RASSF6: variants seen among roughly 807,000 people sequenced by gnomAD.
RASSF6 encodes the protein ras association domain-containing protein 6.
In RASSF6, 52 loss-of-function variants were observed where a neutral mutation model predicts 44.0. That is an observed-to-expected ratio of 1.18 (90% confidence interval 0.95 to 1.49). RASSF6 has a LOEUF of 1.49. Ranked by LOEUF, RASSF6 falls within the 40% of genes most tolerant of loss-of-function variation. The probability of loss-of-function intolerance (pLI) is 0.00; values close to 1 mark genes in which losing one functional copy is unlikely to be tolerated. For synonymous variants in RASSF6, 162 were observed against 124.6 expected (o/e 1.30, Z -2.00); for missense variants, 464 against 393.3 (o/e 1.18, Z -1.52).
chr4:73,600,453 T>C (rs1177417977), intron 2 of RASSF6, among the ~76,000 whole-genome samples: 1 of 152,144 alleles, frequency 6.6e-6, no homozygotes, highest in African/African-American at 2.4e-5. Context: ...AAAATCCCTT[T>C]GATCCTCAAT....
chr4:73,578,029 T>TTTTCTTTATTTCTGGTCCCTAAAGG (rs148066158), intron 8 of RASSF6, among the ~76,000 whole-genome samples: 150,907 of 152,020 alleles, frequency 0.99, 74,915 homozygotes, highest in Middle Eastern at 1. Context: ...TGCTCTCTTC[T>TTTTCTTTATTTCTGGTCCCTAAAGG]GACCTAGTTA....
At chr4:73,583,247 T>C (rs1462802513) in intron 6 of RASSF6, among the ~76,000 whole-genome samples, 1 of 152,182 alleles carries the variant, frequency 6.6e-6, no homozygotes, top group Non-Finnish European at 1.5e-5. Context: ...AATGACTTCA[T>C]TTATAAAATA....
At chr4:73,611,665 C>T in intron 2 of RASSF6, 66 bp downstream of exon 2, 1 of 996,888 alleles carries the variant, frequency 1.0e-6, no homozygotes, top group Non-Finnish European at 1.5e-6. Context: ...GCTTAGAAAA[C>T]TTTGACGGTA....
Position 73,576,124 on chromosome 4 carries a change from G to T in RASSF6, c.*111C>A, listed in dbSNP as rs1018974176. The T allele has an allele frequency of 1.2e-5, 7 of 568,150 alleles. No homozygotes were observed. The highest frequency in any genetic ancestry group is 4.9e-4 in the Middle Eastern group (1 of 2,060). The allele number at this position is 568,150 out of a possible 1,614,324, so 35.2% of individuals were successfully genotyped here. ...CTTTTTTTGACATTCAATTTTCTAC[G>T]ATTCAAGTCTCATATATGTTCGTAT... On this transcript the variant is annotated 3_prime_UTR_variant, in exon 11 of 11. Transcript: ENST00000307439.
intron 2 of RASSF6, 36 bp downstream of exon 2, chr4:73,611,695 G>T: frequency 7.4e-7 from 1 of 1,350,972 alleles, no homozygotes; most frequent in Non-Finnish European, 1.1e-6. Flanking sequence ...AATGACTGGT[G>T]AGTAGGACAA....
chr4:73,617,012 A>T (rs965717814), intron 1 of RASSF6, among the ~76,000 whole-genome samples: 3 of 152,348 alleles, frequency 2.0e-5, no homozygotes, highest in African/African-American at 7.2e-5. Flanking sequence ...GGTTTCTGGG[A>T]AACATTTGGC....
chr4:73,585,823 T>A (rs1284084412), intron 5 of RASSF6, among the ~76,000 whole-genome samples: 6 of 151,656 alleles, frequency 4.0e-5, no homozygotes, highest in Admixed American at 3.3e-4. Flanking sequence ...CTTATTTTTT[T>A]ATTTTTATTT....
chr4:73,591,729 GAGAT>G (rs1183307885), intron 4 of RASSF6, among the ~76,000 whole-genome samples: 2 of 152,028 alleles, frequency 1.3e-5, no homozygotes, highest in African/African-American at 4.8e-5. Flanking sequence ...GATGGGAGAC[GAGAT>G]AGATAGAGGG....
chr4:73,578,679 G>A (rs950021259), intron 8 of RASSF6, among the ~76,000 whole-genome samples: 8 of 148,724 alleles, frequency 5.4e-5, no homozygotes, highest in Non-Finnish European at 8.9e-5. Context: ...CACGATCTCA[G>A]CTCACTGCAA....
In RASSF6 at chr4:73,572,364, A is replaced by C. The variant is rs1722965412; in HGVS notation, c.*3871T>G. 1.3e-5 allele frequency: 2 copies of C among 152,158 alleles called. No homozygotes were observed. The highest frequency in any genetic ancestry group is 4.8e-5 in the African/African-American group (2 of 41,432). The allele number at this position is 152,158 out of a possible 1,614,324, so 9.4% of individuals were successfully genotyped here. A position where few individuals can be genotyped will look rare whatever the true frequency, so the allele number is the denominator to read the frequency against. On this transcript the variant is annotated 3_prime_UTR_variant, in exon 11 of 11. Coordinates refer to ENST00000307439, the MANE Select transcript of RASSF6 (RefSeq NM_177532.5). ...ACAGTCTCTTCCATTTTCCTGTATT[A>C]AAAGTAAGTCCCTAATTGCTAAAAG...
chr4:73,585,124 T>C, intron 6 of RASSF6, 56 bp downstream of exon 6: 1 of 1,241,688 alleles, frequency 8.1e-7, no homozygotes, highest in Non-Finnish European at 1.1e-6. Context: ...GTGGTATTGT[T>C]AGTGAAACAG....
At chr4:73,601,146 A>T (rs1451951306) in intron 2 of RASSF6, among the ~76,000 whole-genome samples, 1 of 152,222 alleles carries the variant, frequency 6.6e-6, no homozygotes, top group Non-Finnish European at 1.5e-5. Flanking sequence ...TTACTTCAGG[A>T]TCATGTGCAG....
intron 3 of RASSF6, among the ~76,000 whole-genome samples, chr4:73,598,349 A>G (rs939725464): frequency 6.6e-6 from 1 of 152,220 alleles, no homozygotes; most frequent in Non-Finnish European, 1.5e-5. Context: ...ATATCTTTCT[A>G]TATACATTCT....
Position 73,587,854 on chromosome 4 carries a change from CT to C in RASSF6, c.367del (p.Arg123GlyfsTer15). 7 of 1,606,748 alleles carry C rather than the reference CT, an allele frequency of 4.4e-6. No homozygotes were observed. Among genetic ancestry groups the C allele is most frequent in the Non-Finnish European group, 5.1e-6 (6 of 1,174,764 alleles). ...DRTQIPMSEK[R>X]NSQEDYLSYH... Reference sequence around the variant, plus strand: ...TTGATACTGACCTTCCTGGGAATTCCTTTTTTCAGACATAGGAATCTGGGTC... The same window carrying C: ...TTGATACTGACCTTCCTGGGAATTCCTTTTTCAGACATAGGAATCTGGGTC... On this transcript the variant is annotated frameshift_variant, in exon 5 of 11. Transcript: ENST00000307439. LOFTEE classifies it high-confidence loss of function.
At chr4:73,583,759 G>C (rs1723856753) in intron 6 of RASSF6, among the ~76,000 whole-genome samples, 1 of 151,786 alleles carries the variant, frequency 6.6e-6, no homozygotes, top group Non-Finnish European at 1.5e-5. Context: ...TGTAGACCGA[G>C]TTCTTTTGTG....
intron 3 of RASSF6, among the ~76,000 whole-genome samples, chr4:73,597,746 A>G (rs754282534): frequency 2.0e-5 from 3 of 152,250 alleles, no homozygotes; most frequent in Non-Finnish European, 4.4e-5. Flanking sequence ...GATAGATGGG[A>G]TAAAGAAAAT....
chr4:73,588,603 C>G (rs1215482195), intron 4 of RASSF6, among the ~76,000 whole-genome samples: 2 of 151,964 alleles, frequency 1.3e-5, no homozygotes, highest in African/African-American at 4.8e-5. Context: ...AAACAAGTTT[C>G]TTATCCCCTC....
intron 5 of RASSF6, among the ~76,000 whole-genome samples, chr4:73,586,911 G>GA (rs33997624): frequency 1.2e-3 from 168 of 139,122 alleles, no homozygotes; most frequent in Middle Eastern, 3.6e-3. Flanking sequence ...AGAATGATTT[G>GA]AAAAAAAAAA....
intron 4 of RASSF6, among the ~76,000 whole-genome samples, chr4:73,590,328 C>T (rs2149377130): frequency 6.6e-6 from 1 of 152,294 alleles, no homozygotes; most frequent in Middle Eastern, 3.4e-3. Flanking sequence ...AAGATTATAG[C>T]CCTTCCTGCA....
Sources: allele counts gnomAD v4.1 joint callset (sites outside exome capture counted in the v4.1 genomes callset), GRCh38; gene constraint gnomAD v4.1.1; transcripts MANE v1.5; gene names NCBI Gene and HGNC (gene_info 2026-07-23, HGNC 2026-07-21).